TBC1D32: variants seen among roughly 807,000 people sequenced by gnomAD.
The protein encoded by TBC1D32 is TBC1 domain family member 32.
A neutral mutation model predicts 170.3 loss-of-function variants in TBC1D32; 151 were observed. That is an observed-to-expected ratio of 0.89 (90% CI 0.78 to 1.01). The LOEUF (loss-of-function observed/expected upper bound fraction) is 1.01, where lower values mean the gene tolerates loss of function less well. TBC1D32 is among the 50% of genes least tolerant of loss of function. TBC1D32 has a pLI of 0.00. For synonymous variants in TBC1D32, 498 were observed against 488.0 expected (o/e 1.02, Z -0.27); for missense variants, 1,464 against 1,457.1 (o/e 1.00, Z -0.08).
At chr6:121,257,732 A>G (rs1291506769) in intron 15 of TBC1D32, among the ~76,000 whole-genome samples, 1 of 151,726 alleles carries the variant, frequency 6.6e-6, no homozygotes, top group Non-Finnish European at 1.5e-5. Flanking sequence ...GTTTTTTTTT[A>G]TATACTTTAT....
chr6:121,296,237 C>A (rs922438470), intron 10 of TBC1D32, among the ~76,000 whole-genome samples: 2 of 152,064 alleles, frequency 1.3e-5, no homozygotes, highest in Non-Finnish European at 2.9e-5. Context: ...GAACTTTTTC[C>A]TTTTTGCTGA....
In TBC1D32 at chr6:121,317,663, T is replaced by G; in HGVS notation, c.327A>C (p.Glu109Asp). 2 of 1,598,126 alleles carry G rather than the reference T, an allele frequency of 1.3e-6. No individual in the cohort carries two copies. The highest frequency in any genetic ancestry group is 1.7e-6 in the Non-Finnish European group (2 of 1,172,760). Residue 109 changes from glutamate to aspartate, a missense_variant, in exon 3 of 32, where the codon GAA becomes GAC. By Grantham distance (45) the Glu-to-Asp change is conservative. Coordinates refer to ENST00000398212, the MANE Select transcript of TBC1D32 (RefSeq NM_152730.6). ...KRTQESKEYK[E>D]MMHYLKNIMI... ...TAATGTTCTTCAGGTAATGCATCAT[T>G]TCTTTGTACCTTTAAATTCAAGGTA...
At chr6:121,229,607 C>T (rs766198202) in intron 20 of TBC1D32, among the ~76,000 whole-genome samples, 10 of 152,016 alleles carry the variant, frequency 6.6e-5, no homozygotes, top group Non-Finnish European at 1.5e-4. Flanking sequence ...TAATGTTTAG[C>T]CATTTCTGTT....
chr6:121,317,537 G>A lies in TBC1D32; in HGVS notation c.453C>T (p.Tyr151=), dbSNP rs375131731. ...CACTATCAGAGCAATTGTCTGTGCGGTAACTATGGCTTTTCTCCTTTTGGA... is the reference window on the plus strand; with the variant it reads ...CACTATCAGAGCAATTGTCTGTGCGATAACTATGGCTTTTCTCCTTTTGGA... ...KKIQKEKSHS[Y]RTDNCSDSDS... is the part of the protein sequence containing the mutation. Residue 151 remains tyrosine (Y), a synonymous_variant, in exon 3 of 32, where the codon TAC becomes TAT. Coordinates refer to ENST00000398212, the MANE Select transcript of TBC1D32 (RefSeq NM_152730.6). 4.4e-4 allele frequency: 713 copies of A among 1,612,188 alleles called. No homozygotes were observed. Among genetic ancestry groups the A allele is most frequent in the Non-Finnish European group, 5.8e-4 (680 of 1,179,116 alleles).
chr6:121,083,199 T>C (rs1255726896), intron 31 of TBC1D32, among the ~76,000 whole-genome samples: 1 of 151,976 alleles, frequency 6.6e-6, no homozygotes, highest in African/African-American at 2.4e-5. Flanking sequence ...CTATATAAAA[T>C]ATAAATGCCT....
intron 24 of TBC1D32, among the ~76,000 whole-genome samples, chr6:121,146,174 A>G (rs1783420407): frequency 6.6e-6 from 1 of 152,226 alleles, no homozygotes; most frequent in South Asian, 2.1e-4. Context: ...CATATATAGA[A>G]GGAGATTTAT....
intron 21 of TBC1D32, among the ~76,000 whole-genome samples, chr6:121,208,556 T>A (rs12198421): frequency 0.4 from 61,349 of 151,496 alleles, 15,722 homozygotes; most frequent in Non-Finnish European, 0.58. Flanking sequence ...GAGATCTGGG[T>A]AGGGACACAG....
At chr6:121,244,106 A>T (rs1446365464) in intron 17 of TBC1D32, among the ~76,000 whole-genome samples, 1 of 152,042 alleles carries the variant, frequency 6.6e-6, no homozygotes, top group Non-Finnish European at 1.5e-5. Context: ...AAGGACAAAA[A>T]ATACTAAGAA....
chr6:121,289,503 A>T (rs1318541276), intron 12 of TBC1D32, among the ~76,000 whole-genome samples: 1 of 152,046 alleles, frequency 6.6e-6, no homozygotes, highest in Non-Finnish European at 1.5e-5. Flanking sequence ...AATAAAAGAT[A>T]CAAACAAATG....
At chr6:121,092,448 C>A (rs569442569) in intron 30 of TBC1D32, among the ~76,000 whole-genome samples, 1 of 151,782 alleles carries the variant, frequency 6.6e-6, no homozygotes, top group Non-Finnish European at 1.5e-5. Flanking sequence ...AAAACATATT[C>A]TTGAAAAGGT....
chr6:121,276,515 C>A (rs1159987768), intron 15 of TBC1D32, among the ~76,000 whole-genome samples: 1 of 150,908 alleles, frequency 6.6e-6, no homozygotes, highest in Non-Finnish European at 1.5e-5. Context: ...AAGAGTAGAA[C>A]ACAAAAAAAG....
intron 31 of TBC1D32, among the ~76,000 whole-genome samples, chr6:121,085,222 CATAT>C (rs201750657): frequency 7.2e-6 from 1 of 139,348 alleles, no homozygotes; most frequent in East Asian, 2.6e-4. Context: ...TATATATACA[CATAT>C]ATATATACAC....
At chr6:121,269,338 A>G (rs951772606) in intron 15 of TBC1D32, among the ~76,000 whole-genome samples, 2 of 152,130 alleles carry the variant, frequency 1.3e-5, no homozygotes, top group African/African-American at 4.8e-5. Context: ...AAGAGTCAAG[A>G]CCCATCAGTG....
At chr6:121,147,748 C>T (rs1250703793) in intron 24 of TBC1D32, among the ~76,000 whole-genome samples, 2 of 151,916 alleles carry the variant, frequency 1.3e-5, no homozygotes, top group Non-Finnish European at 2.9e-5. Context: ...CCTGCCACCA[C>T]ACCTGGCTAA....
At chr6:121,161,168 TTC>T (rs1424028446) in intron 22 of TBC1D32, 112 bp from the exon 23 acceptor site, 2 of 777,222 alleles carry the variant, frequency 2.6e-6, no homozygotes, top group Non-Finnish European at 4.1e-6. Flanking sequence ...ATCAATCTAT[TTC>T]TTTTTCTTTA....
At chr6:121,314,839 T>C (rs1198392801) in intron 3 of TBC1D32, among the ~76,000 whole-genome samples, 1 of 152,182 alleles carries the variant, frequency 6.6e-6, no homozygotes, top group African/African-American at 2.4e-5. Context: ...TTTGAGTGTG[T>C]CTCTGAATGG....
At chr6:121,228,859 T>A (rs1795367995) in intron 20 of TBC1D32, among the ~76,000 whole-genome samples, 1 of 152,134 alleles carries the variant, frequency 6.6e-6, no homozygotes, top group Admixed American at 6.5e-5. Context: ...TGATTGCAGA[T>A]TTGCCTATTT....
At chr6:121,246,944 G>A (rs925427171) in intron 17 of TBC1D32, among the ~76,000 whole-genome samples, 1 of 151,184 alleles carries the variant, frequency 6.6e-6, no homozygotes, top group Non-Finnish European at 1.5e-5. Context: ...TCATTTTAGG[G>A]AATAATTGAG....
chr6:121,330,561 A>G (rs1811081489), intron 1 of TBC1D32, among the ~76,000 whole-genome samples: 1 of 152,180 alleles, frequency 6.6e-6, no homozygotes, highest in Non-Finnish European at 1.5e-5. Flanking sequence ...AAAAACAACA[A>G]AACACTCTAT....
Sources: gnomAD v4.1 joint callset for allele counts (sites outside exome capture counted in the v4.1 genomes callset) on GRCh38, gnomAD v4.1.1 for gene constraint, MANE v1.5 for transcripts, NCBI Gene and HGNC (gene_info 2026-07-23, HGNC 2026-07-21) for gene names.